The following TJP1 variants were observed in gnomAD, a reference collection of about 807,000 sequenced individuals.
The protein encoded by TJP1 is tight junction protein ZO-1.
A neutral mutation model predicts 194.2 loss-of-function variants in TJP1; 43 were observed. The observed-to-expected ratio is 0.22, with a 90% CI of 0.17 to 0.29. The LOEUF (loss-of-function observed/expected upper bound fraction) is 0.29, where lower values mean the gene tolerates loss of function less well. Ranked by LOEUF, TJP1 falls within the 10% of genes least tolerant of loss-of-function variation. The pLI, the probability that TJP1 is intolerant of heterozygous loss-of-function variation, is 1.00. For missense variants in TJP1, 1,971 were observed against 2,185.7 expected, an observed-to-expected ratio of 0.90 and a Z score of 1.96; for synonymous variants, 801 against 779.0, an observed-to-expected ratio of 1.03 and a Z score of -0.47.
At chr15:29,877,364 GCAC>G (rs902515966) in intron 2 of TJP1, among the ~76,000 whole-genome samples, 3 of 152,038 alleles carry the variant, frequency 2.0e-5, no homozygotes, top group African/African-American at 7.2e-5. Context: ...CTGCAGATGT[GCAC>G]CACCACACCT....
intron 12 of TJP1, 96 bp downstream of exon 12, chr15:29,734,178 A>T: frequency 3.8e-6 from 3 of 792,316 alleles, no homozygotes; most frequent in Non-Finnish European, 6.0e-6. Context: ...TCATCACTCA[A>T]CTATGAGTGA....
rs373736604 is a variant in TJP1, at chr15:29,761,293, A to G, written c.863-7T>C. The G allele has an allele frequency of 1.9e-6, 3 of 1,613,806 alleles. No homozygotes were observed. Among genetic ancestry groups the G allele is most frequent in the Non-Finnish European group, 2.5e-6 (3 of 1,179,940 alleles). On this transcript the variant is annotated splice_region_variant and splice_polypyrimidine_tract_variant and intron_variant, in intron 7 of 27. Coordinates refer to ENST00000614355, the MANE Select transcript of TJP1 (RefSeq NM_001330239.4). Reference sequence around the variant, plus strand: ...GACTGAATTTCTGAAATGTCTGTTAATAAAAGGGTGCTACTTATTTTCCCA... The same window carrying G: ...GACTGAATTTCTGAAATGTCTGTTAGTAAAAGGGTGCTACTTATTTTCCCA...
chr15:29,947,512 C>G (rs2055325392), intron 2 of TJP1, among the ~76,000 whole-genome samples: 1 of 152,192 alleles, frequency 6.6e-6, no homozygotes, highest in Non-Finnish European at 1.5e-5. Flanking sequence ...GGAGCAGACC[C>G]TGCTAGTTAC....
intron 2 of TJP1, among the ~76,000 whole-genome samples, chr15:29,843,073 C>T (rs890957268): frequency 1.3e-5 from 2 of 152,096 alleles, no homozygotes; most frequent in Non-Finnish European, 2.9e-5. Context: ...AGTAAAAATG[C>T]TCATTTTGTA....
At chr15:29,866,281 C>T (rs1281890594) in intron 2 of TJP1, among the ~76,000 whole-genome samples, 1 of 152,216 alleles carries the variant, frequency 6.6e-6, no homozygotes, top group Non-Finnish European at 1.5e-5. Flanking sequence ...AATTTCAACA[C>T]ATTTTTCCGT....
At chr15:29,894,390 C>T (rs1013268774) in intron 2 of TJP1, among the ~76,000 whole-genome samples, 2 of 152,116 alleles carry the variant, frequency 1.3e-5, no homozygotes, top group Non-Finnish European at 2.9e-5. Context: ...ATCCTAGAGG[C>T]GGAAGTTGCA....
intron 2 of TJP1, among the ~76,000 whole-genome samples, chr15:29,781,356 A>G (rs2047360643): frequency 6.6e-6 from 1 of 152,200 alleles, no homozygotes; most frequent in South Asian, 2.1e-4. Flanking sequence ...AAAAAACCCC[A>G]GGACCAAATG....
intron 2 of TJP1, among the ~76,000 whole-genome samples, chr15:29,926,542 G>A (rs1319687181): frequency 6.6e-6 from 1 of 151,898 alleles, no homozygotes; most frequent in Non-Finnish European, 1.5e-5. Flanking sequence ...AACCCGGGAG[G>A]TGGAGGATGC....
chr15:29,736,652 GGACTCTATA>G (rs2044053275), intron 11 of TJP1, among the ~76,000 whole-genome samples: 1 of 152,172 alleles, frequency 6.6e-6, no homozygotes, highest in Admixed American at 6.5e-5. Flanking sequence ...AAGGAAGGGA[GGACTCTATA>G]GACTCTACTG....
intron 18 of TJP1, among the ~76,000 whole-genome samples, chr15:29,723,392 C>T (rs1047331177): frequency 6.6e-6 from 1 of 152,182 alleles, no homozygotes; most frequent in Non-Finnish European, 1.5e-5. Context: ...GTACTCCCCC[C>T]TTCTCTCTCT....
intron 2 of TJP1, among the ~76,000 whole-genome samples, chr15:29,949,303 C>T (rs1408521363): frequency 7.6e-6 from 1 of 131,660 alleles, no homozygotes; most frequent in Non-Finnish European, 1.6e-5. Context: ...CCTCCACCAC[C>T]ACCACCTCCA....
At chr15:29,798,270 GT>G (rs59427685) in intron 2 of TJP1, among the ~76,000 whole-genome samples, 19,639 of 144,450 alleles carry the variant, frequency 0.14, 1,279 homozygotes, top group South Asian at 0.17. Flanking sequence ...TGTGCCCAGC[GT>G]TTTTTTTTTT....
At chr15:29,912,018 A>G (rs1463927479) in intron 2 of TJP1, among the ~76,000 whole-genome samples, 1 of 152,238 alleles carries the variant, frequency 6.6e-6, no homozygotes, top group African/African-American at 2.4e-5. Context: ...GGTGGCTTTA[A>G]CAAATATTTA....
chr15:29,949,728 T>G lies in TJP1; in HGVS notation c.306+6504A>C, dbSNP rs992258058. Among the ~76,000 whole-genome samples the G allele has an allele frequency of 0.011, 111 of 9,820 alleles. No individual in the cohort carries two copies. In the South Asian group the frequency reaches 0.13, roughly 12 times the overall value. 6.4% of individuals were successfully genotyped at this position (9,820 alleles called of 152,430 possible). ...ACCACCTCCATCACCTCCACCGCCA[T>G]CACCTCCACCACCACCACCTCCACT... On this transcript the variant is annotated intron_variant, in intron 2 of 28. Transcript: ENST00000356107.
intron 2 of TJP1, among the ~76,000 whole-genome samples, chr15:29,954,749 G>A (rs1305963234): frequency 2.0e-5 from 3 of 152,092 alleles, no homozygotes; most frequent in African/African-American, 2.4e-5. Context: ...AAAAATACAT[G>A]TAAAATAAAT....
At chr15:29,789,375 A>C (rs1394949440) in intron 2 of TJP1, among the ~76,000 whole-genome samples, 1 of 152,156 alleles carries the variant, frequency 6.6e-6, no homozygotes. Flanking sequence ...CAACTATCTG[A>C]TGTACATATT....
At chr15:29,706,189 TC>T (rs1331557412) in intron 25 of TJP1, among the ~76,000 whole-genome samples, 2 of 152,204 alleles carry the variant, frequency 1.3e-5, no homozygotes, top group African/African-American at 4.8e-5. Context: ...TGCCTTGGTC[TC>T]CCAAAGTGCT....
intron 8 of TJP1, among the ~76,000 whole-genome samples, chr15:29,751,408 A>G (rs1243040247): frequency 6.6e-6 from 1 of 152,250 alleles, no homozygotes; most frequent in African/African-American, 2.4e-5. Flanking sequence ...GCAATAATTT[A>G]GATGTATGTG....
chr15:29,784,240 C>T (rs2047557486), intron 2 of TJP1, among the ~76,000 whole-genome samples: 1 of 151,880 alleles, frequency 6.6e-6, no homozygotes, highest in African/African-American at 2.4e-5. Flanking sequence ...CTCAGGAGGA[C>T]TAATACCAAA....
Sources: gnomAD v4.1 joint callset for allele counts (sites outside exome capture counted in the v4.1 genomes callset) on GRCh38, gnomAD v4.1.1 for gene constraint, MANE v1.5 for transcripts, NCBI Gene and HGNC (gene_info 2026-07-23, HGNC 2026-07-21) for gene names.